NSUN5: variants seen among roughly 807,000 people sequenced by gnomAD.
NSUN5 encodes NOP2/Sun RNA methyltransferase 5, also known as 28S rRNA (cytosine-C(5))-methyltransferase.
A neutral mutation model predicts 51.1 loss-of-function variants in NSUN5; 39 were observed. That is an observed-to-expected ratio of 0.76 (90% CI 0.59 to 1.00). The LOEUF is 1.00. Ranked by LOEUF, NSUN5 falls within the 50% of genes least tolerant of loss-of-function variation. The pLI, the probability that NSUN5 is intolerant of heterozygous loss-of-function variation, is 0.00. For synonymous variants in NSUN5, 266 were observed against 271.5 expected (o/e 0.98, Z 0.20); for missense variants, 526 against 614.0 (o/e 0.86, Z 1.51).
Position 73,307,770 on chromosome 7 carries a change from G to A in NSUN5, c.217-13C>T, listed in dbSNP as rs1554542158. 3.3e-6 allele frequency: 5 copies of A among 1,531,698 alleles called. No homozygotes were observed. The highest frequency in any genetic ancestry group is 3.5e-6 in the Non-Finnish European group (4 of 1,135,636). The allele number at this position is 1,531,698 out of a possible 1,614,324, so 94.9% of individuals were successfully genotyped here. A position where few individuals can be genotyped will look rare whatever the true frequency, so the allele number is the denominator to read the frequency against. On this transcript the variant is annotated splice_polypyrimidine_tract_variant and intron_variant, in intron 2 of 9. Coordinates refer to ENST00000438747, the MANE Select transcript of NSUN5 (RefSeq NM_148956.4). ...CATACACTAGCACCTGGGAATGAGG[G>A]AACAAAGACAAAAACAAAAATGCCC...
intron 4 of NSUN5, among the ~76,000 whole-genome samples, chr7:73,306,617 C>T (rs551487405): frequency 1.3e-5 from 2 of 152,072 alleles, no homozygotes; most frequent in Non-Finnish European, 2.9e-5. Flanking sequence ...TGGTGGCTCA[C>T]GCCTGTAATC....
intron 2 of NSUN5, 138 bp from the exon 3 acceptor site, chr7:73,307,895 T>A (rs1804111838): frequency 3.9e-6 from 3 of 771,600 alleles, no homozygotes; most frequent in South Asian, 3.8e-5. Flanking sequence ...GGATACCTTA[T>A]CCAAGATCAC....
chr7:73,305,118 A>G, intron 4 of NSUN5, 21 bp from the exon 5 acceptor site: 1 of 1,609,978 alleles, frequency 6.2e-7, no homozygotes, highest in South Asian at 1.1e-5. Context: ...AGAACCATTC[A>G]TTCATTTCCT....
At position 73,308,475 on chromosome 7, in the gene NSUN5, C is replaced by G. The variant is rs1804138847; in HGVS notation, c.172G>C (p.Gly58Arg). 1.2e-6 allele frequency: 2 copies of G among 1,608,010 alleles called. No homozygotes were observed. The highest frequency in any genetic ancestry group is 2.7e-5 in the African/African-American group (2 of 74,946). ...AVLDAVIASA[G>R]LLRAEKKLRP... ...AGCTTCTTCTCCGCACGGAGGAGGC[C>G]GGCGCTGGCGATCACAGCATCCAGC... is the stretch of plus-strand genomic sequence containing the variant. The change falls in exon 2 of 10, where the codon GGC becomes CGC. Residue 58 changes from glycine to arginine, a missense_variant. By Grantham distance (125) the Gly-to-Arg change is moderately radical (BLOSUM62 -2). Transcript: ENST00000438747.
At chr7:73,304,505 T>C in intron 6 of NSUN5, 97 bp from the exon 7 acceptor site, 1 of 1,224,818 alleles carries the variant, frequency 8.2e-7, no homozygotes. Flanking sequence ...CACACAATAT[T>C]GAAACGGCCT....
chr7:73,307,963 A>C, intron 2 of NSUN5: 1 of 578,930 alleles, frequency 1.7e-6, no homozygotes, highest in Non-Finnish European at 3.0e-6. Context: ...CCAGCCTTAG[A>C]CCCTTTCTCC....
chr7:73,304,190 G>A lies in NSUN5; in HGVS notation c.934+40C>T, dbSNP rs147531105. ...ATGACTCCAGGTCTAAGCTGCTGTGGATCTGCGAGTCCCTCGGCCACGCTT... is the reference window on the plus strand; with the variant it reads ...ATGACTCCAGGTCTAAGCTGCTGTGAATCTGCGAGTCCCTCGGCCACGCTT... On this transcript the variant is annotated intron_variant, in intron 7 of 9. Coordinates refer to ENST00000438747, the MANE Select transcript of NSUN5 (RefSeq NM_148956.4). 1.8e-3 allele frequency: 2,917 copies of A among 1,577,632 alleles called. 40 individuals are homozygous for A. Among genetic ancestry groups the A allele is most frequent in the Middle Eastern group, 0.015 (88 of 5,888 alleles).
Position 73,302,954 on chromosome 7 carries a change from A to C in NSUN5, c.*461T>G. On this transcript the variant is annotated 3_prime_UTR_variant, in exon 10 of 10. Coordinates refer to ENST00000438747, the MANE Select transcript of NSUN5 (RefSeq NM_148956.4). ...CTGGGTGGGCCTGGGCCTAGCAATC[A>C]AGCTTCTACCTGTACCTTATGTAAG... 9.1e-7 allele frequency: 1 copy of C among 1,103,332 alleles called. No individual in the cohort carries two copies. The highest frequency in any genetic ancestry group is 1.1e-6 in the Non-Finnish European group (1 of 900,296). The allele number at this position is 1,103,332 out of a possible 1,614,324, so 68.3% of individuals were successfully genotyped here.
rs1554541573 is a variant in NSUN5, at chr7:73,304,855, C to G, written c.647G>C (p.Cys216Ser). 6.2e-7 allele frequency: 1 copy of G among 1,613,904 alleles called. No homozygotes were observed. Among genetic ancestry groups the G allele is most frequent in the Non-Finnish European group, 8.5e-7 (1 of 1,179,854 alleles). ...GGGGTCCAGCAGCATGGCTGGGAGA[C>G]AGCTGGCCTGGCAGGCAGAGCACAG... ...GHLILQDRAS[C>S]LPAMLLDPPP... Residue 216 changes from cysteine (C) to serine (S), a missense_variant, in exon 6 of 10, where the codon TGT becomes TCT. Coordinates refer to ENST00000438747, the MANE Select transcript of NSUN5 (RefSeq NM_148956.4).
Position 73,308,467 on chromosome 7 carries a change from G to T in NSUN5, c.180C>A (p.Leu60=). The T allele has an allele frequency of 6.2e-7, 1 of 1,607,960 alleles. No individual in the cohort carries two copies. Residue 60 remains leucine, a synonymous_variant, in exon 2 of 10, where the codon CTC becomes CTA. Coordinates refer to ENST00000438747, the MANE Select transcript of NSUN5 (RefSeq NM_148956.4). ...GCGGCCGCAGCTTCTTCTCCGCACG[G>T]AGGAGGCCGGCGCTGGCGATCACAG... ...LDAVIASAGL[L]RAEKKLRPHL... is the part of the protein sequence containing the mutation.
rs1563287199 is a variant in NSUN5 at position 73,303,053 on chromosome 7, C to G, written c.*362G>C. The G allele has an allele frequency of 3.0e-6, 4 of 1,345,720 alleles. No homozygotes were observed. Among genetic ancestry groups the G allele is most frequent in the African/African-American group, 2.9e-5 (2 of 68,074 alleles). 83.4% of individuals were successfully genotyped at this position (1,345,720 alleles called of 1,614,324 possible). A position where few individuals can be genotyped will look rare whatever the true frequency, so the allele number is the denominator to read the frequency against. ...AGGCAGGACAGCCGGTCCGGGAACC[C>G]TGAGTGAGTGTGAGTGTGGATGTGT... On this transcript the variant is annotated 3_prime_UTR_variant, in exon 10 of 10. Transcript: ENST00000438747.
intron 4 of NSUN5, 81 bp from the exon 5 acceptor site, chr7:73,305,178 T>C (rs1554541663): frequency 2.6e-6 from 4 of 1,526,914 alleles, no homozygotes; most frequent in Admixed American, 3.8e-5. Flanking sequence ...ATGCAACAAA[T>C]GTTACCACAG....
chr7:73,304,592 C>T (rs1479092662), intron 6 of NSUN5, 155 bp downstream of exon 6: 1 of 841,198 alleles, frequency 1.2e-6, no homozygotes, highest in East Asian at 2.6e-5. Flanking sequence ...ACATCTCACA[C>T]CTGCAGTGGG....
In NSUN5 at chr7:73,304,255, C is replaced by G; in HGVS notation, c.909G>C (p.Leu303=). 6.2e-7 allele frequency: 1 copy of G among 1,613,208 alleles called. No homozygotes were observed. The highest frequency in any genetic ancestry group is 2.2e-5 in the East Asian group (1 of 44,892). Residue 303 remains leucine, a synonymous_variant, in exon 7 of 10, where the codon CTG becomes CTC. Transcript: ENST00000438747. ...CCGAGCCACTGCAGGAAGGATCCAG[C>G]AGGATGTAGTGGACCTCATGGTAGC... ...DPRYHEVHYI[L]LDPSCSGSGM... is the part of the protein sequence containing the mutation.
rs1803863271 is a variant in NSUN5 at position 73,302,997 on chromosome 7, C to G, written c.*418G>C. ...TATGTAAGGTAGACCCTCCTAGTGT[C>G]AGCACCTGAGCTAGTTTACCTCAGT... On this transcript the variant is annotated 3_prime_UTR_variant, in exon 10 of 10. Coordinates refer to ENST00000438747, the MANE Select transcript of NSUN5 (RefSeq NM_148956.4). 8.1e-7 allele frequency: 1 copy of G among 1,229,050 alleles called. No homozygotes were observed. Among genetic ancestry groups the G allele is most frequent in the African/African-American group, 1.5e-5 (1 of 65,322 alleles). 76.1% of individuals were successfully genotyped at this position (1,229,050 alleles called of 1,614,324 possible). A position where few individuals can be genotyped will look rare whatever the true frequency, so the allele number is the denominator to read the frequency against.
rs782732595 is a variant in NSUN5, at chr7:73,304,846, G to T, written c.656C>A (p.Ala219Asp). The change falls in exon 6 of 10, where the codon GCC (alanine) becomes GAC (aspartate). Residue 219 changes from alanine (A) to aspartate (D), a missense_variant. Physicochemically the swap from Ala to Asp is moderately radical, Grantham distance 126 (BLOSUM62 -2). Coordinates refer to ENST00000438747, the MANE Select transcript of NSUN5 (RefSeq NM_148956.4). ...ILQDRASCLP[A>D]MLLDPPPGSH... ...GCCTGGCGGGGGGTCCAGCAGCATG[G>T]CTGGGAGACAGCTGGCCTGGCAGGC... 6.2e-7 allele frequency: 1 copy of T among 1,613,780 alleles called. No homozygotes were observed. Among genetic ancestry groups the T allele is most frequent in the South Asian group, 1.1e-5 (1 of 91,076 alleles).
rs879987013 is a variant in NSUN5, at chr7:73,303,719, G to A, written c.1167C>T (p.Ala389=). Residue 389 remains alanine (A), a synonymous_variant, in exon 9 of 10, where the codon GCC becomes GCT. Transcript: ENST00000438747. ...ACGTGCTCAGGCCTCGGTGGGGCCA[G>A]GCAGGCAGGGCGGGAGCTAGCCTGC... ...GAFRLAPALP[A]WPHRGLSTFP... The A allele has an allele frequency of 1.2e-6, 2 of 1,614,104 alleles. No homozygotes were observed. The highest frequency in any genetic ancestry group is 1.3e-5 in the African/African-American group (1 of 75,074).
At chr7:73,305,290 T>A (rs1192459766) in intron 4 of NSUN5, among the ~76,000 whole-genome samples, 193 bp from the exon 5 acceptor site, 2 of 152,110 alleles carry the variant, frequency 1.3e-5, no homozygotes, top group East Asian at 3.9e-4. Context: ...CCCCCTCTAC[T>A]GTTTACCAGC....
chr7:73,306,795 C>T (rs1309493430), intron 4 of NSUN5, among the ~76,000 whole-genome samples: 5 of 151,546 alleles, frequency 3.3e-5, no homozygotes, highest in East Asian at 2.1e-4. Context: ...GCAGGAGCAT[C>T]GCTTGAACCC....
Sources: allele counts gnomAD v4.1 joint callset (sites outside exome capture counted in the v4.1 genomes callset), GRCh38; gene constraint gnomAD v4.1.1; transcripts MANE v1.5; gene names NCBI Gene and HGNC (gene_info 2026-07-23, HGNC 2026-07-21).